Variants in PTPRD observed in about 807,000 individuals in gnomAD.
PTPRD encodes receptor-type tyrosine-protein phosphatase delta.
A neutral mutation model predicts 214.5 loss-of-function variants in PTPRD; 34 were observed. The observed-to-expected ratio is 0.16, with a 90% CI of 0.12 to 0.21. The LOEUF (loss-of-function observed/expected upper bound fraction) is 0.21. Among genes scored for constraint, PTPRD ranks in the 10% least tolerant of loss-of-function variants. PTPRD has a pLI of 1.00. For synonymous variants in PTPRD, 1,128 were observed against 845.7 expected (o/e 1.33, Z -5.79); for missense variants, 2,545 against 2,398.7 (o/e 1.06, Z -1.27).
At chr9:8,355,078 A>G (rs1266204354) in intron 39 of PTPRD, among the ~76,000 whole-genome samples, 2 of 151,940 alleles carry the variant, frequency 1.3e-5, no homozygotes, top group African/African-American at 4.8e-5. Context: ...CCTGGTGGGA[A>G]GTGTTTGGAG....
intron 5 of PTPRD, among the ~76,000 whole-genome samples, chr9:9,775,816 C>T (rs190949071): frequency 1.1e-4 from 17 of 151,976 alleles, no homozygotes; most frequent in Non-Finnish European, 1.9e-4. Flanking sequence ...AATAGCCGGG[C>T]ATGGTGGCGG....
At chr9:9,150,645 A>G (rs1170021883) in intron 10 of PTPRD, among the ~76,000 whole-genome samples, 1 of 151,462 alleles carries the variant, frequency 6.6e-6, no homozygotes, top group African/African-American at 2.4e-5. Flanking sequence ...TGCCCAGCTA[A>G]TTTTTGTATT....
chr9:9,772,199 G>A (rs2098757436), intron 5 of PTPRD, among the ~76,000 whole-genome samples: 1 of 152,064 alleles, frequency 6.6e-6, no homozygotes, highest in Non-Finnish European at 1.5e-5. Context: ...ATACACAGAA[G>A]ACAGACCACA....
At chr9:9,479,464 C>A (rs528770160) in intron 8 of PTPRD, among the ~76,000 whole-genome samples, 1 of 151,992 alleles carries the variant, frequency 6.6e-6, no homozygotes, top group South Asian at 2.1e-4. Context: ...GGACTTGATT[C>A]TTTTCAAACC....
chr9:10,182,586 G>T (rs1195948006), intron 3 of PTPRD, among the ~76,000 whole-genome samples: 3 of 152,088 alleles, frequency 2.0e-5, no homozygotes, highest in African/African-American at 7.2e-5. Flanking sequence ...AAAATTCACA[G>T]AGGGGGAAAC....
chr9:9,140,673 G>T (rs1361728798), intron 10 of PTPRD, among the ~76,000 whole-genome samples: 1 of 152,222 alleles, frequency 6.6e-6, no homozygotes, highest in Admixed American at 6.5e-5. Flanking sequence ...TCGCCTCCCG[G>T]GTTCACGCCA....
chr9:8,974,665 G>A (rs1589154653), intron 11 of PTPRD, among the ~76,000 whole-genome samples: 1 of 151,910 alleles, frequency 6.6e-6, no homozygotes, highest in African/African-American at 2.4e-5. Flanking sequence ...TCCTCTTTAA[G>A]CCTTTGCTTA....
At chr9:10,403,494 A>C (rs1478570157) in intron 2 of PTPRD, among the ~76,000 whole-genome samples, 1 of 151,452 alleles carries the variant, frequency 6.6e-6, no homozygotes, top group Non-Finnish European at 1.5e-5. Context: ...AATGCTGGCC[A>C]GGATGTGCAT....
chr9:10,395,747 T>C (rs10733207), intron 2 of PTPRD, among the ~76,000 whole-genome samples: 132,442 of 151,886 alleles, frequency 0.87, 57,780 homozygotes, highest in African/African-American at 0.92. Context: ...TTTACACTTG[T>C]GCATAGGAAT....
At chr9:10,000,473 A>G (rs2096279815) in intron 4 of PTPRD, among the ~76,000 whole-genome samples, 2 of 152,108 alleles carry the variant, frequency 1.3e-5, no homozygotes. Flanking sequence ...AGAAGACCCA[A>G]CTGCTGTTCC....
At chr9:9,580,907 T>C (rs910326425) in intron 7 of PTPRD, among the ~76,000 whole-genome samples, 1 of 152,052 alleles carries the variant, frequency 6.6e-6, no homozygotes, top group Non-Finnish European at 1.5e-5. Flanking sequence ...TTTGAGTTCA[T>C]TGTAAATTCT....
chr9:8,862,785 T>C (rs2098128989), intron 11 of PTPRD, among the ~76,000 whole-genome samples: 1 of 152,204 alleles, frequency 6.6e-6, no homozygotes, highest in East Asian at 1.9e-4. Context: ...TGGATGAAAT[T>C]GGAAACCATC....
At chr9:9,049,132 G>C (rs1241017619) in intron 10 of PTPRD, among the ~76,000 whole-genome samples, 1 of 152,050 alleles carries the variant, frequency 6.6e-6, no homozygotes, top group Non-Finnish European at 1.5e-5. Flanking sequence ...TAAGTTTTTT[G>C]CTTCCTTGTA....
At chr9:8,662,303 AAAACAAACAAAC>A (rs147033335) in intron 12 of PTPRD, among the ~76,000 whole-genome samples, 6 of 152,056 alleles carry the variant, frequency 3.9e-5, no homozygotes, top group Admixed American at 1.3e-4. Flanking sequence ...GCTATGTTGG[AAAACAAACAAAC>A]AAACAAACAA....
chr9:10,459,948 T>C (rs1402974590), intron 2 of PTPRD, among the ~76,000 whole-genome samples: 2 of 152,058 alleles, frequency 1.3e-5, no homozygotes, highest in Admixed American at 6.6e-5. Context: ...TTATGGCAAA[T>C]ATATATAACA....
chr9:8,722,737 T>G (rs2098514686), intron 12 of PTPRD, among the ~76,000 whole-genome samples: 1 of 152,196 alleles, frequency 6.6e-6, no homozygotes, highest in South Asian at 2.1e-4. Flanking sequence ...TCTGCAGCTA[T>G]GGATATTGAT....
intron 9 of PTPRD, among the ~76,000 whole-genome samples, chr9:9,280,103 C>G (rs1194914383): frequency 6.6e-6 from 1 of 151,212 alleles, no homozygotes; most frequent in Admixed American, 6.6e-5. Flanking sequence ...TGAGTAGGAG[C>G]AGTATGCCCT....
intron 12 of PTPRD, among the ~76,000 whole-genome samples, chr9:8,639,059 T>G (rs572163351): frequency 6.6e-6 from 1 of 152,252 alleles, no homozygotes; most frequent in African/African-American, 2.4e-5. Context: ...GCCAGAATGG[T>G]CTCGATCTCG....
Position 10,190,417 on chromosome 9 carries a change from AAAAC to A in PTPRD, c.-545+150542_-545+150545del, listed in dbSNP as rs1564422257. 6.4e-4 allele frequency among the ~76,000 whole-genome samples: 59 copies of A among 91,686 alleles called. 8 individuals carry two copies. Among genetic ancestry groups the A allele is most frequent in the African/African-American group, 3.3e-3 (49 of 14,946 alleles). 60.1% of individuals were successfully genotyped at this position (91,686 alleles called of 152,430 possible). ...AAAAAAAAAAAAAAAAAAAAAAAAA[AAAAC>A]AAAAAGTCAAAGTGGGCCAGGCGCT... is the stretch of plus-strand genomic sequence containing the variant. On this transcript the variant is annotated intron_variant, in intron 3 of 45. Transcript: ENST00000381196.
Sources: gnomAD v4.1 joint callset for allele counts (sites outside exome capture counted in the v4.1 genomes callset) on GRCh38, gnomAD v4.1.1 for gene constraint, MANE v1.5 for transcripts, NCBI Gene and HGNC (gene_info 2026-07-23, HGNC 2026-07-21) for gene names.